The following CEP120 variants were observed in gnomAD, a reference collection of about 807,000 sequenced individuals.
CEP120 encodes the protein centrosomal protein of 120 kDa.
CEP120 carries 113 observed loss-of-function variants against 126.5 expected under a neutral mutation model. The observed-to-expected ratio is 0.89, with a 90% CI of 0.77 to 1.04. The LOEUF is 1.04. CEP120 is among the 50% of genes least tolerant of loss of function. The pLI is 0.00. For missense variants in CEP120, 1,230 were observed against 1,155.7 expected (o/e 1.06, Z -0.93); for synonymous variants, 400 against 394.3 (o/e 1.01, Z -0.17).
intron 19 of CEP120, 53 bp downstream of exon 19, chr5:123,349,891 C>T (rs1769087452): frequency 1.3e-6 from 2 of 1,513,924 alleles, no homozygotes; most frequent in East Asian, 2.3e-5. Flanking sequence ...TCAAGTTGTA[C>T]CTTCCCTGAA....
chr5:123,412,256 G>A (rs1774104751), intron 4 of CEP120, 143 bp downstream of exon 4: 3 of 669,162 alleles, frequency 4.5e-6, no homozygotes, highest in South Asian at 3.7e-5. Context: ...AGCAACAAGT[G>A]CTGCATGTGT....
chr5:123,348,395 T>C (rs1050785793), intron 19 of CEP120, among the ~76,000 whole-genome samples: 1 of 152,202 alleles, frequency 6.6e-6, no homozygotes, highest in Non-Finnish European at 1.5e-5. Flanking sequence ...AAGAAAGTGC[T>C]ATATTTTGGA....
chr5:123,402,565 C>G (rs972330757), intron 4 of CEP120, among the ~76,000 whole-genome samples: 1 of 152,092 alleles, frequency 6.6e-6, no homozygotes, highest in African/African-American at 2.4e-5. Context: ...GCTTGTGCCA[C>G]CAAGCCAGGC....
At chr5:123,416,259 ACT>A in intron 2 of CEP120, 135 bp from the exon 3 acceptor site, 2 of 602,868 alleles carry the variant, frequency 3.3e-6, no homozygotes, top group East Asian at 5.7e-5. Context: ...TGTCTAAAAA[ACT>A]CTTCAACAGG....
At chr5:123,375,521 C>T (rs1162138916) in intron 16 of CEP120, among the ~76,000 whole-genome samples, 1 of 151,826 alleles carries the variant, frequency 6.6e-6, no homozygotes, top group Non-Finnish European at 1.5e-5. Context: ...TGCAGTTTTG[C>T]CATGTTGCCC....
At position 123,417,046 on chromosome 5, in the gene CEP120, T is replaced by C. The variant is rs937257999; in HGVS notation, c.207-922A>G. 5.3e-5 allele frequency among the ~76,000 whole-genome samples: 8 copies of C among 152,180 alleles called. No homozygotes were observed. The South Asian group carries it at 6.2e-4, about 12-fold the overall frequency. ...CTGCTTTTATCTAGTGGAGTTATTA[T>C]AGAACTGCACTTAGCACAAAATCAT... On this transcript the variant is annotated intron_variant, in intron 2 of 19. Coordinates refer to ENST00000306467, the MANE Select transcript of CEP120 (RefSeq NM_001375405.1).
chr5:123,401,478 G>C, intron 4 of CEP120: 1 of 1,265,956 alleles, frequency 7.9e-7, no homozygotes, highest in South Asian at 1.2e-5. Flanking sequence ...AGACTCTGCA[G>C]CTCCTCATCC....
chr5:123,346,617 A>G lies in CEP120; in HGVS notation c.2863T>C (p.Leu955=). The G allele has an allele frequency of 3.1e-6, 5 of 1,613,980 alleles. No homozygotes were observed. Among genetic ancestry groups the G allele is most frequent in the Non-Finnish European group, 4.2e-6 (5 of 1,179,956 alleles). ...TGATTATACACACCCGTTCTCATCA[A>G]AGTATCCCTTTCTTCTATCAGGCGA... The part of the protein sequence containing the change: ...LTRLIEERDT[L]MRTGVYNHED... The change falls in exon 20 of 20, where the codon TTG becomes CTG. Residue 955 remains leucine, a synonymous_variant. Transcript: ENST00000306467.
At chr5:123,382,701 A>G (rs1016769462) in intron 13 of CEP120, 36 bp downstream of exon 13, 2 of 1,580,358 alleles carry the variant, frequency 1.3e-6, no homozygotes, top group African/African-American at 2.7e-5. Flanking sequence ...CAGAGCAGAC[A>G]AAGCAGATTT....
At chr5:123,349,556 T>G (rs1021644667) in intron 19 of CEP120, among the ~76,000 whole-genome samples, 1 of 152,136 alleles carries the variant, frequency 6.6e-6, no homozygotes, top group African/African-American at 2.4e-5. Context: ...ATGCTATAAA[T>G]GGAAACACAA....
chr5:123,422,599 CA>C (rs2127149893), intron 1 of CEP120: 1 of 1,474,412 alleles, frequency 6.8e-7, no homozygotes, highest in African/African-American at 1.4e-5. Flanking sequence ...AAAGCTCTTA[CA>C]AGTGCTATTA....
chr5:123,407,567 G>C (rs931517118), intron 4 of CEP120, among the ~76,000 whole-genome samples: 1 of 152,096 alleles, frequency 6.6e-6, no homozygotes, highest in East Asian at 1.9e-4. Flanking sequence ...ACCTAACAGA[G>C]TATCAAAATA....
chr5:123,400,114 G>A (rs1192092781), intron 4 of CEP120, among the ~76,000 whole-genome samples: 3 of 152,084 alleles, frequency 2.0e-5, no homozygotes, highest in East Asian at 1.9e-4. Context: ...CCCTATAAAC[G>A]AGCAATCCTT....
At chr5:123,399,034 A>G in intron 5 of CEP120, 102 bp downstream of exon 5, 1 of 884,098 alleles carries the variant, frequency 1.1e-6, no homozygotes, top group East Asian at 2.8e-5. Flanking sequence ...AAAAGTTAAA[A>G]AAAAAAAGTC....
chr5:123,366,571 T>C (rs1386279543), intron 17 of CEP120, among the ~76,000 whole-genome samples: 2 of 151,876 alleles, frequency 1.3e-5, no homozygotes, highest in Non-Finnish European at 2.9e-5. Flanking sequence ...TATTCCCAGA[T>C]CAATTCTGTC....
chr5:123,383,037 T>C lies in CEP120; in HGVS notation c.1809A>G (p.Glu603=). 6.3e-7 allele frequency: 1 copy of C among 1,585,388 alleles called. No individual in the cohort carries two copies. The highest frequency in any genetic ancestry group is 8.7e-7 in the Non-Finnish European group (1 of 1,155,694). ...IADLSYTVTL[E]DYGLVKMREI... ...CACGCATTTTTACTAGTCCATAATCTTCTAGAGTCACTGTGTAAGAAAGAT... is the reference window on the plus strand; with the variant it reads ...CACGCATTTTTACTAGTCCATAATCCTCTAGAGTCACTGTGTAAGAAAGAT... The change falls in exon 12 of 20, where the codon GAA becomes GAG. Residue 603 remains glutamate (E), a synonymous_variant. Transcript: ENST00000306467.
At chr5:123,348,808 C>A (rs1485298686) in intron 19 of CEP120, among the ~76,000 whole-genome samples, 2 of 152,142 alleles carry the variant, frequency 1.3e-5, no homozygotes, top group South Asian at 2.1e-4. Context: ...GGTGAACTCT[C>A]ATCATGGGAT....
intron 16 of CEP120, among the ~76,000 whole-genome samples, chr5:123,373,134 GCA>G (rs1365988997): frequency 6.6e-6 from 1 of 152,008 alleles, no homozygotes; most frequent in Non-Finnish European, 1.5e-5. Flanking sequence ...ACCACCAGAA[GCA>G]GAGAGGAACA....
Position 123,382,905 on chromosome 5 carries a change from A to G in CEP120, c.1861-16T>C. The G allele has an allele frequency of 6.2e-7, 1 of 1,611,648 alleles. No homozygotes were observed. Among genetic ancestry groups the G allele is most frequent in the Non-Finnish European group, 8.5e-7 (1 of 1,179,032 alleles). ...CAGATACACCCTAAGAGATGAACCA[A>G]AAAGTACATTTAAACACTCACACAC... On this transcript the variant is annotated splice_polypyrimidine_tract_variant and intron_variant, in intron 12 of 19. Coordinates refer to ENST00000306467, the MANE Select transcript of CEP120 (RefSeq NM_001375405.1).
Sources: gnomAD v4.1 joint callset for allele counts (sites outside exome capture counted in the v4.1 genomes callset) on GRCh38, gnomAD v4.1.1 for gene constraint, MANE v1.5 for transcripts, NCBI Gene and HGNC (gene_info 2026-07-23, HGNC 2026-07-21) for gene names.